DISC1: variants seen among roughly 807,000 people sequenced by gnomAD.
DISC1 encodes disrupted in schizophrenia 1 protein.
Under a neutral mutation model 84.5 loss-of-function variants are expected in DISC1, and 57 were observed. That is an observed-to-expected ratio of 0.67 (90% CI 0.55 to 0.84). The LOEUF is 0.84. Ranked by LOEUF, DISC1 falls within the 40% of genes least tolerant of loss-of-function variation. The probability of loss-of-function intolerance (pLI) is 0.00; values close to 1 mark genes in which losing one functional copy is unlikely to be tolerated. For missense variants in DISC1, 1,000 were observed against 1,057.8 expected (o/e 0.95, Z 0.76); for synonymous variants, 411 against 415.2 (o/e 0.99, Z 0.12).
At chr1:231,871,281 T>A (rs931261998) in intron 9 of DISC1, among the ~76,000 whole-genome samples, 5 of 152,160 alleles carry the variant, frequency 3.3e-5, no homozygotes, top group African/African-American at 1.2e-4. Context: ...GTAGGCAGGT[T>A]CCGAGGGCAG....
At chr1:231,770,492 C>T (rs867285338) in intron 5 of DISC1, among the ~76,000 whole-genome samples, 5 of 152,232 alleles carry the variant, frequency 3.3e-5, no homozygotes, top group Middle Eastern at 3.4e-3. Flanking sequence ...GCTCAGACCT[C>T]AGGTGCATGA....
At chr1:231,942,074 G>A (rs891418575) in intron 9 of DISC1, among the ~76,000 whole-genome samples, 1 of 152,114 alleles carries the variant, frequency 6.6e-6, no homozygotes, top group Non-Finnish European at 1.5e-5. Flanking sequence ...GGTAACCAGG[G>A]GATGAGGGAA....
At chr1:231,873,008 A>T (rs551182019) in intron 9 of DISC1, among the ~76,000 whole-genome samples, 1 of 152,238 alleles carries the variant, frequency 6.6e-6, no homozygotes, top group Non-Finnish European at 1.5e-5. Context: ...GGCATCCGTC[A>T]GGAGTTTGTC....
chr1:231,766,012 A>G (rs1478308251), intron 4 of DISC1, among the ~76,000 whole-genome samples: 1 of 152,108 alleles, frequency 6.6e-6, no homozygotes, highest in Non-Finnish European at 1.5e-5. Context: ...ATTAAGGGCC[A>G]GGTGCGATGA....
At position 232,004,434 on chromosome 1, in the gene DISC1, ATG is replaced by A. The variant is rs1184727600; in HGVS notation, c.2043-4349_2043-4348del. Among the ~76,000 whole-genome samples, 6 of 77,726 alleles carry A rather than the reference ATG, an allele frequency of 7.7e-5. 1 individual carries two copies. Among genetic ancestry groups the A allele is most frequent in the African/African-American group, 3.3e-4 (6 of 17,976 alleles). The allele number at this position is 77,726 out of a possible 152,430, so 51.0% of individuals were successfully genotyped here. On this transcript the variant is annotated intron_variant, in intron 10 of 12. Transcript: ENST00000439617. ...ATACTTTTTAAAAATATGAACAAAC[ATG>A]TAACAATACATTTGAAATTCATTAA...
chr1:231,798,687 G>A (rs964054650), intron 7 of DISC1, among the ~76,000 whole-genome samples: 1 of 152,180 alleles, frequency 6.6e-6, no homozygotes, highest in Non-Finnish European at 1.5e-5. Flanking sequence ...AAAGGGTCTC[G>A]GAATTAATTA....
chr1:231,959,384 G>A, intron 10 of DISC1: 2 of 985,724 alleles, frequency 2.0e-6, no homozygotes, highest in Non-Finnish European at 2.4e-6. Context: ...GAAATGTCAG[G>A]GATGCTGCAG....
intron 9 of DISC1, among the ~76,000 whole-genome samples, chr1:231,830,972 C>T (rs1208232280): frequency 3.3e-5 from 5 of 152,048 alleles, no homozygotes; most frequent in East Asian, 1.9e-4. Flanking sequence ...AATAAAGGCT[C>T]GTCTGTTATC....
intron 9 of DISC1, among the ~76,000 whole-genome samples, chr1:231,820,622 C>T (rs12143549): frequency 0.24 from 36,723 of 152,110 alleles, 4,738 homozygotes; most frequent in Non-Finnish European, 0.26. Flanking sequence ...TCTTGTTCTT[C>T]TCTGCCCCAC....
intron 8 of DISC1, among the ~76,000 whole-genome samples, chr1:231,804,246 G>T (rs2079530668): frequency 6.6e-6 from 1 of 152,186 alleles, no homozygotes; most frequent in African/African-American, 2.4e-5. Context: ...GTGTGTCAAA[G>T]AGTTTCAGTG....
At chr1:231,701,706 T>C (rs1402672873) in intron 2 of DISC1, among the ~76,000 whole-genome samples, 2 of 152,230 alleles carry the variant, frequency 1.3e-5, no homozygotes, top group African/African-American at 4.8e-5. Flanking sequence ...ATGTTTTTGT[T>C]TAAAATAAAA....
intron 9 of DISC1, chr1:231,866,522 G>T: frequency 1.2e-6 from 1 of 813,714 alleles, no homozygotes; most frequent in Non-Finnish European, 2.2e-6. Context: ...TACTACCTTA[G>T]GATATAAGTA....
At chr1:231,766,831 T>C (rs1312111997) in intron 4 of DISC1, among the ~76,000 whole-genome samples, 1 of 152,252 alleles carries the variant, frequency 6.6e-6, no homozygotes, top group East Asian at 1.9e-4. Context: ...AAATCTGGTG[T>C]GTGTTTTACA....
chr1:231,781,012 G>A (rs1436353630), intron 6 of DISC1, among the ~76,000 whole-genome samples: 1 of 106,694 alleles, frequency 9.4e-6, no homozygotes, highest in Non-Finnish European at 1.8e-5. Flanking sequence ...GACTGTTGTG[G>A]GGTGGGGGGA....
chr1:231,800,787 G>A (rs1335933023), intron 8 of DISC1, among the ~76,000 whole-genome samples: 1 of 152,092 alleles, frequency 6.6e-6, no homozygotes, highest in Non-Finnish European at 1.5e-5. Flanking sequence ...ATATTAGGTA[G>A]ATGGGAGAGA....
intron 9 of DISC1, chr1:231,866,613 C>T (rs1574325966): frequency 1.9e-6 from 3 of 1,543,240 alleles, no homozygotes; most frequent in Non-Finnish European, 2.7e-6. Context: ...GTGATTTGAA[C>T]CCAGAGAGTC....
rs528005961 is a variant in DISC1 at position 231,650,998 on chromosome 1, T to A, written c.67+24064T>A. ...TTCAAGGGTTTTAGCTTCCTAGCAA[T>A]GGGTTCAAATGTCCTCCTTTAGCTC... On this transcript the variant is annotated intron_variant, in intron 1 of 12. Coordinates refer to ENST00000439617, the MANE Select transcript of DISC1 (RefSeq NM_018662.3). 2.0e-4 allele frequency among the ~76,000 whole-genome samples: 30 copies of A among 152,332 alleles called. No homozygotes were observed. The South Asian group carries it at 3.5e-3, about 18-fold the overall frequency.
chr1:231,919,126 G>T (rs1558733421), intron 9 of DISC1, among the ~76,000 whole-genome samples: 1 of 152,096 alleles, frequency 6.6e-6, no homozygotes, highest in Non-Finnish European at 1.5e-5. Flanking sequence ...AAACCTGATG[G>T]TTTTTAAGAA....
chr1:231,958,388 G>T (rs959846195), intron 9 of DISC1, among the ~76,000 whole-genome samples: 7 of 152,138 alleles, frequency 4.6e-5, no homozygotes, highest in Admixed American at 4.6e-4. Context: ...TCAATGAAAG[G>T]TTCCACAATC....
Sources: allele counts gnomAD v4.1 joint callset (sites outside exome capture counted in the v4.1 genomes callset), GRCh38; gene constraint gnomAD v4.1.1; transcripts MANE v1.5; gene names NCBI Gene and HGNC (gene_info 2026-07-23, HGNC 2026-07-21).